Variants in PXDNL observed in about 807,000 individuals in gnomAD.
PXDNL encodes peroxidasin like.
PXDNL carries 145 observed loss-of-function variants against 150.8 expected under a neutral mutation model. That is an observed-to-expected ratio of 0.96 (90% confidence interval 0.84 to 1.10). The LOEUF is 1.10. PXDNL is among the 50% of genes least tolerant of loss of function. PXDNL has a pLI of 0.00. For missense variants in PXDNL, 2,087 were observed against 1,873.9 expected, an observed-to-expected ratio of 1.11 and a Z score of -2.10; for synonymous variants, 757 against 725.7, an observed-to-expected ratio of 1.04 and a Z score of -0.69.
At chr8:51,565,756 A>T (rs1391259825) in intron 3 of PXDNL, among the ~76,000 whole-genome samples, 1 of 151,876 alleles carries the variant, frequency 6.6e-6, no homozygotes, top group Non-Finnish European at 1.5e-5. Flanking sequence ...CATATAATGT[A>T]TTGTGAAACA....
intron 1 of PXDNL, among the ~76,000 whole-genome samples, chr8:51,742,467 G>A (rs1043747490): frequency 6.6e-6 from 1 of 151,962 alleles, no homozygotes; most frequent in Non-Finnish European, 1.5e-5. Flanking sequence ...TTGCACTATA[G>A]TTTTGTAGGA....
intron 6 of PXDNL, among the ~76,000 whole-genome samples, chr8:51,481,567 G>A (rs746695467): frequency 2.0e-5 from 3 of 152,192 alleles, no homozygotes; most frequent in Non-Finnish European, 4.4e-5. Flanking sequence ...GTATGTCAGA[G>A]ACCTTCACAG....
At chr8:51,797,931 A>G (rs1249318525) in intron 1 of PXDNL, among the ~76,000 whole-genome samples, 1 of 152,220 alleles carries the variant, frequency 6.6e-6, no homozygotes, top group Non-Finnish European at 1.5e-5. Context: ...AAACAATACA[A>G]CAAGGCTACA....
intron 2 of PXDNL, among the ~76,000 whole-genome samples, chr8:51,595,875 G>C (rs1473794813): frequency 1.3e-5 from 2 of 152,120 alleles, no homozygotes; most frequent in Admixed American, 6.5e-5. Flanking sequence ...TCATCAGGCT[G>C]ATTTAAAGAA....
chr8:51,372,372 AT>A (rs575727048), intron 18 of PXDNL, among the ~76,000 whole-genome samples: 4 of 152,096 alleles, frequency 2.6e-5, no homozygotes, highest in East Asian at 3.8e-4. Context: ...ACATTTTTAA[AT>A]TTTTTTTAAT....
chr8:51,629,749 G>T (rs1814451889), intron 2 of PXDNL, among the ~76,000 whole-genome samples: 1 of 152,100 alleles, frequency 6.6e-6, no homozygotes, highest in Non-Finnish European at 1.5e-5. Context: ...ATGCAGACAT[G>T]AAGGAAACAG....
chr8:51,382,447 C>G (rs1325906485), intron 17 of PXDNL, among the ~76,000 whole-genome samples: 1 of 152,152 alleles, frequency 6.6e-6, no homozygotes, highest in Non-Finnish European at 1.5e-5. Flanking sequence ...TAATTATGAC[C>G]TTCCATTGAC....
intron 7 of PXDNL, among the ~76,000 whole-genome samples, chr8:51,472,535 T>G (rs1810370667): frequency 6.6e-6 from 1 of 152,168 alleles, no homozygotes; most frequent in Non-Finnish European, 1.5e-5. Flanking sequence ...ATGAAGTAAA[T>G]TAAGTAAATT....
intron 2 of PXDNL, among the ~76,000 whole-genome samples, chr8:51,641,222 T>G (rs1292616669): frequency 8.1e-6 from 1 of 124,136 alleles, no homozygotes; most frequent in African/African-American, 4.4e-5. Flanking sequence ...GATTAAAGAC[T>G]TAAACGTTAG....
chr8:51,424,375 A>T (rs1242713469), intron 13 of PXDNL, among the ~76,000 whole-genome samples: 1 of 152,156 alleles, frequency 6.6e-6, no homozygotes, highest in South Asian at 2.1e-4. Flanking sequence ...TATCTAAAAT[A>T]AAAAAAATAA....
chr8:51,321,562 C>T (rs188411557), intron 21 of PXDNL, among the ~76,000 whole-genome samples: 90 of 151,932 alleles, frequency 5.9e-4, no homozygotes, highest in South Asian at 1.3e-3. Context: ...ATGCTGTTCT[C>T]GGGGTAGTGA....
intron 4 of PXDNL, among the ~76,000 whole-genome samples, chr8:51,520,946 G>A (rs1264199529): frequency 6.6e-6 from 1 of 152,206 alleles, no homozygotes. Flanking sequence ...ACTAGGCCAG[G>A]TGCCCTGGCT....
intron 2 of PXDNL, among the ~76,000 whole-genome samples, chr8:51,623,758 CA>C (rs1186694284): frequency 6.6e-6 from 1 of 152,048 alleles, no homozygotes; most frequent in Non-Finnish European, 1.5e-5. Context: ...AAAGGGATGC[CA>C]TAAAGTTTGT....
intron 2 of PXDNL, among the ~76,000 whole-genome samples, chr8:51,600,622 T>G (rs1343335542): frequency 7.3e-6 from 1 of 136,998 alleles, no homozygotes; most frequent in East Asian, 2.1e-4. Context: ...ATAAATTATA[T>G]CTTATATAAA....
At chr8:51,455,871 G>A (rs1809928288) in intron 9 of PXDNL, among the ~76,000 whole-genome samples, 1 of 152,202 alleles carries the variant, frequency 6.6e-6, no homozygotes, top group Admixed American at 6.5e-5. Context: ...CAGCCTGGGT[G>A]ACAGAGTGAG....
intron 5 of PXDNL, among the ~76,000 whole-genome samples, chr8:51,496,726 G>A (rs1811060813): frequency 6.6e-6 from 1 of 152,094 alleles, no homozygotes; most frequent in Non-Finnish European, 1.5e-5. Context: ...AATCCAACTT[G>A]CAAGGGACGT....
chr8:51,565,321 A>AATAAATAAATAAATAAATAGATAGATAG (rs569762504), intron 3 of PXDNL, among the ~76,000 whole-genome samples: 6 of 135,532 alleles, frequency 4.4e-5, no homozygotes, highest in South Asian at 2.2e-4. Context: ...TAAATAAATA[A>AATAAATAAATAAATAAATAGATAGATAG]ATAGATAGAT....
chr8:51,634,731 T>G (rs1472704483), intron 2 of PXDNL, among the ~76,000 whole-genome samples: 1 of 151,162 alleles, frequency 6.6e-6, no homozygotes, highest in African/African-American at 2.4e-5. Context: ...TTTTATTTTT[T>G]TGTGGCTATT....
chr8:51,755,519 T>C (rs1268814026), intron 1 of PXDNL, among the ~76,000 whole-genome samples: 1 of 152,132 alleles, frequency 6.6e-6, no homozygotes, highest in Non-Finnish European at 1.5e-5. Context: ...CTCAAACTCC[T>C]GACCTCAGGT....
Sources: gnomAD v4.1 joint callset for allele counts (sites outside exome capture counted in the v4.1 genomes callset) on GRCh38, gnomAD v4.1.1 for gene constraint, MANE v1.5 for transcripts, NCBI Gene and HGNC (gene_info 2026-07-23, HGNC 2026-07-21) for gene names.